HIPK1: variants seen among roughly 807,000 people sequenced by gnomAD.
The protein encoded by HIPK1 is homeodomain interacting protein kinase 1.
HIPK1 carries 28 observed loss-of-function variants against 117.1 expected under a neutral mutation model. The ratio of observed to expected loss-of-function variants is 0.24; its 90% CI spans 0.18 to 0.33. HIPK1 has a LOEUF of 0.33. Ranked by LOEUF, HIPK1 falls within the 10% of genes least tolerant of loss-of-function variation. The pLI is 1.00. For missense variants in HIPK1, 1,122 were observed against 1,475.1 expected, an observed-to-expected ratio of 0.76 and a Z score of 3.92; for synonymous variants, 605 against 562.5, an observed-to-expected ratio of 1.08 and a Z score of -1.07.
chr1:113,935,647 A>AT (rs1670203978), intron 1 of HIPK1, among the ~76,000 whole-genome samples: 1 of 152,210 alleles, frequency 6.6e-6, no homozygotes, highest in Admixed American at 6.5e-5. Context: ...CATCAGCAGT[A>AT]TAAGTGTTCC....
intron 2 of HIPK1, among the ~76,000 whole-genome samples, chr1:113,947,626 G>A (rs1671068158): frequency 5.9e-5 from 9 of 152,174 alleles, no homozygotes; most frequent in Admixed American, 5.9e-4. Context: ...CTTGCTCTGG[G>A]TGCCAGTGAA....
Position 113,952,881 on chromosome 1 carries a change from T to A in HIPK1, c.1192T>A (p.Tyr398Asn), listed in dbSNP as rs536665414. The A allele has an allele frequency of 6.6e-7, 1 of 1,522,574 alleles. No individual in the cohort carries two copies. The highest frequency in any genetic ancestry group is 8.8e-7 in the Non-Finnish European group (1 of 1,135,772). 94.3% of individuals were successfully genotyped at this position (1,522,574 alleles called of 1,614,324 possible). Residue 398 changes from tyrosine (Y) to asparagine (N), a missense_variant, in exon 3 of 16, where the codon TAT (tyrosine) becomes AAT (asparagine). By Grantham distance (143) the Tyr-to-Asn change is moderately radical. This residue lies in a region of HIPK1 where 127 missense variants were observed against 197.9 expected (regional missense o/e 0.64). Coordinates refer to ENST00000426820, the MANE Select transcript of HIPK1 (RefSeq NM_198268.3). The part of the protein sequence containing the change: ...GWPLYPGASE[Y>N]DQIRYISQTQ... ...GCCTCTTTATCCTGGTGCTTCAGAA[T>A]ATGATCAGGTAAAAGTGTTTATTTG... is the stretch of plus-strand genomic sequence containing the variant.
At chr1:113,948,393 AG>A (rs1671126580) in intron 2 of HIPK1, among the ~76,000 whole-genome samples, 1 of 152,064 alleles carries the variant, frequency 6.6e-6, no homozygotes. Context: ...CTAGAACTGC[AG>A]GCATGCACCA....
intron 8 of HIPK1, among the ~76,000 whole-genome samples, chr1:113,961,875 A>G (rs192134077): frequency 6.9e-6 from 1 of 145,722 alleles, no homozygotes; most frequent in East Asian, 2.2e-4. Context: ...ACTTGGGAGC[A>G]GAGTTTGCAG....
chr1:113,960,592 T>C (rs1270583669), intron 8 of HIPK1, among the ~76,000 whole-genome samples: 2 of 152,206 alleles, frequency 1.3e-5, no homozygotes, highest in Non-Finnish European at 2.9e-5. Flanking sequence ...AGGCTATTAT[T>C]ATACAATACC....
chr1:113,963,422 C>T lies in HIPK1; in HGVS notation c.2139C>T (p.His713=). The T allele has an allele frequency of 6.2e-7, 1 of 1,614,222 alleles. No individual in the cohort carries two copies. Among genetic ancestry groups the T allele is most frequent in the Non-Finnish European group, 8.5e-7 (1 of 1,180,016 alleles). ...SCTPLMVATL[H]PQVATITPQY... ...CACCACTAATGGTAGCAACTCTCCA[C>T]CCTCAAGTAGCCACCATCACACCGC... Residue 713 remains histidine, a synonymous_variant, in exon 10 of 16, where the codon CAC becomes CAT. Coordinates refer to ENST00000426820, the MANE Select transcript of HIPK1 (RefSeq NM_198268.3).
chr1:113,931,336 G>A (rs1669883814), intron 1 of HIPK1, among the ~76,000 whole-genome samples: 2 of 151,944 alleles, frequency 1.3e-5, no homozygotes, highest in African/African-American at 4.8e-5. Flanking sequence ...TTATCTCAGG[G>A]TTCTGTGTTA....
chr1:113,948,134 T>C (rs1424628864), intron 2 of HIPK1, among the ~76,000 whole-genome samples: 1 of 152,220 alleles, frequency 6.6e-6, no homozygotes, highest in African/African-American at 2.4e-5. Context: ...GAGATAAACC[T>C]GCTCTAGTGA....
In HIPK1 at chr1:113,976,808, G is replaced by A. The variant is rs1673158556; in HGVS notation, c.*3296G>A. 1.3e-5 allele frequency: 2 copies of A among 152,830 alleles called. No individual in the cohort carries two copies. The highest frequency in any genetic ancestry group is 4.8e-5 in the African/African-American group (2 of 41,456). 9.5% of individuals were successfully genotyped at this position (152,830 alleles called of 1,614,324 possible). ...GTCACAGTGACCTGACCTCAAACCAGCTTAAGGCTTTAAGTCCTCTCTCAG... is the reference window on the plus strand; with the variant it reads ...GTCACAGTGACCTGACCTCAAACCAACTTAAGGCTTTAAGTCCTCTCTCAG... On this transcript the variant is annotated 3_prime_UTR_variant, in exon 16 of 16. Coordinates refer to ENST00000426820, the MANE Select transcript of HIPK1 (RefSeq NM_198268.3).
rs1474594102 is a variant in HIPK1, at chr1:113,944,158, G to GTT, written c.1076+2699_1076+2700insTT. On this transcript the variant is annotated intron_variant, in intron 2 of 15. Transcript: ENST00000426820. ...TTTTGTTTTTTAAATAATAGCCATGGGTTTTTTTTTTTTTTTTTTTTTTTT... is the reference window on the plus strand; with the variant it reads ...TTTTGTTTTTTAAATAATAGCCATGGTTGTTTTTTTTTTTTTTTTTTTTTTTT... Among the ~76,000 whole-genome samples, 38 of 84,586 alleles carry GTT rather than the reference G, an allele frequency of 4.5e-4. 1 individual carries two copies. Among genetic ancestry groups the GTT allele is most frequent in the East Asian group, 1.2e-3 (3 of 2,408 alleles). The allele number at this position is 84,586 out of a possible 152,430, so 55.5% of individuals were successfully genotyped here.
At chr1:113,929,721 G>A in intron 1 of HIPK1, 189 bp downstream of exon 1, 2 of 850,898 alleles carry the variant, frequency 2.4e-6, no homozygotes, top group Non-Finnish European at 2.9e-6. Context: ...AGGCGGCGGC[G>A]GCGGCGGCGG....
chr1:113,931,173 T>G (rs1669870370), intron 1 of HIPK1, among the ~76,000 whole-genome samples: 2 of 151,590 alleles, frequency 1.3e-5, no homozygotes, highest in South Asian at 4.1e-4. Flanking sequence ...TGTGGGTTTT[T>G]TTTTTTTTTT....
At chr1:113,936,503 C>T (rs972648309) in intron 1 of HIPK1, among the ~76,000 whole-genome samples, 2 of 151,494 alleles carry the variant, frequency 1.3e-5, no homozygotes, top group African/African-American at 2.4e-5. Flanking sequence ...CTCACTCTGT[C>T]GCCCAGGCTG....
chr1:113,967,611 G>A (rs777269279), intron 11 of HIPK1, among the ~76,000 whole-genome samples, 155 bp from the exon 12 acceptor site: 1 of 151,992 alleles, frequency 6.6e-6, no homozygotes, highest in East Asian at 1.9e-4. Flanking sequence ...AGCTGCTTAC[G>A]TATTCTGGTT....
intron 7 of HIPK1, among the ~76,000 whole-genome samples, chr1:113,957,538 A>G (rs948190081): frequency 3.9e-5 from 6 of 152,220 alleles, no homozygotes; most frequent in Admixed American, 1.3e-4. Flanking sequence ...GGGTCTGACT[A>G]TTATGCTACT....
chr1:113,968,045 G>T, intron 12 of HIPK1, 97 bp downstream of exon 12: 1 of 1,098,926 alleles, frequency 9.1e-7, no homozygotes. Context: ...ATATAGATAT[G>T]AAGCAGCAAG....
In HIPK1 at chr1:113,976,205, C is replaced by A. The variant is rs931113423; in HGVS notation, c.*2693C>A. ...TTGTGTTTTCTTTATTTTTTAAAATCATTATATTGAGTTGTGTTTTCAGCA... is the reference window on the plus strand; with the variant it reads ...TTGTGTTTTCTTTATTTTTTAAAATAATTATATTGAGTTGTGTTTTCAGCA... On this transcript the variant is annotated 3_prime_UTR_variant, in exon 16 of 16. Transcript: ENST00000426820. 6.6e-5 allele frequency: 10 copies of A among 152,594 alleles called. No individual in the cohort carries two copies. The highest frequency in any genetic ancestry group is 2.2e-4 in the African/African-American group (9 of 41,410). 9.5% of individuals were successfully genotyped at this position (152,594 alleles called of 1,614,324 possible). A position where few individuals can be genotyped will look rare whatever the true frequency, so the allele number is the denominator to read the frequency against.
At chr1:113,962,052 T>C (rs1051813838) in intron 8 of HIPK1, among the ~76,000 whole-genome samples, 1 of 152,154 alleles carries the variant, frequency 6.6e-6, no homozygotes, top group African/African-American at 2.4e-5. Context: ...TATTGTGTTT[T>C]AAATTTTGTA....
chr1:113,962,704 G>A (rs575394662), intron 9 of HIPK1, among the ~76,000 whole-genome samples: 49 of 152,248 alleles, frequency 3.2e-4, no homozygotes, highest in African/African-American at 1.1e-3. Flanking sequence ...CTAATTTTGC[G>A]GGGTGAAGCG....
Sources: allele counts gnomAD v4.1 joint callset (sites outside exome capture counted in the v4.1 genomes callset), GRCh38; gene constraint gnomAD v4.1.1; regional missense constraint gnomAD v4.1.1; transcripts MANE v1.5; gene names NCBI Gene and HGNC (gene_info 2026-07-23, HGNC 2026-07-21).